Variants in MAVS observed in about 807,000 individuals in gnomAD.
The protein encoded by MAVS is mitochondrial antiviral signaling protein.
In MAVS, 20 loss-of-function variants were observed where a neutral mutation model predicts 30.2. The observed-to-expected ratio is 0.66, with a 90% CI of 0.47 to 0.96. MAVS has a LOEUF of 0.96. Ranked by LOEUF, MAVS falls within the 40% of genes least tolerant of loss-of-function variation. The probability of loss-of-function intolerance (pLI) is 0.00; values close to 1 mark genes in which losing one functional copy is unlikely to be tolerated. For synonymous variants in MAVS, 278 were observed against 293.9 expected, an observed-to-expected ratio of 0.95 and a Z score of 0.55; for missense variants, 624 against 701.1, an observed-to-expected ratio of 0.89 and a Z score of 1.24.
chr20:3,853,209 G>A (rs541846802), intron 1 of MAVS, among the ~76,000 whole-genome samples: 3 of 148,854 alleles, frequency 2.0e-5, no homozygotes, highest in African/African-American at 2.4e-5. Context: ...GATGGCGGCC[G>A]GGCGCGGTGG....
chr20:3,861,599 T>A, intron 4 of MAVS, 95 bp downstream of exon 4: 1 of 1,323,366 alleles, frequency 7.6e-7, no homozygotes, highest in Non-Finnish European at 1.0e-6. Flanking sequence ...TCCCGTCCCC[T>A]ATAAATCACG....
chr20:3,849,573 T>C (rs997942375), intron 1 of MAVS, among the ~76,000 whole-genome samples: 3 of 152,198 alleles, frequency 2.0e-5, no homozygotes, highest in African/African-American at 4.8e-5. Flanking sequence ...AGCTCATTCT[T>C]GTTTTAGGAC....
intron 1 of MAVS, among the ~76,000 whole-genome samples, chr20:3,847,412 G>A (rs993611305): frequency 5.9e-5 from 9 of 152,214 alleles, no homozygotes; most frequent in African/African-American, 1.9e-4. Flanking sequence ...CTGTCCCTTT[G>A]GGAAGGGTGG....
chr20:3,860,822 G>T (rs1396060796), intron 3 of MAVS, among the ~76,000 whole-genome samples: 2 of 151,266 alleles, frequency 1.3e-5, no homozygotes, highest in African/African-American at 4.9e-5. Context: ...GATTACAGGT[G>T]CTTGCCAGCA....
rs188374542 is a variant in MAVS at position 3,856,105 on chromosome 20, A to C, written c.117+1364A>C. Among the ~76,000 whole-genome samples, 169 of 147,804 alleles carry C rather than the reference A, an allele frequency of 1.1e-3. 1 individual carries two copies. Among genetic ancestry groups the C allele is most frequent in the African/African-American group, 4.0e-3 (157 of 39,304 alleles). ...AGTCTCACTCTGTCGCCCAGGCTGG[A>C]GTGCAGTGGTGTGATCTCGGCTCAC... On this transcript the variant is annotated intron_variant, in intron 2 of 6. Coordinates refer to ENST00000428216, the MANE Select transcript of MAVS (RefSeq NM_020746.5).
At chr20:3,863,151 C>G (rs2089879274) in intron 5 of MAVS, among the ~76,000 whole-genome samples, 1 of 152,172 alleles carries the variant, frequency 6.6e-6, no homozygotes, top group South Asian at 2.1e-4. Flanking sequence ...GCAGAGATCT[C>G]CAGTTCCCAG....
At chr20:3,850,274 C>CAAAAAAAA (rs71195864) in intron 1 of MAVS, among the ~76,000 whole-genome samples, 1 of 44,458 alleles carries the variant, frequency 2.2e-5, no homozygotes, top group East Asian at 6.3e-4. Context: ...GAGACTGTCT[C>CAAAAAAAA]AAAAAAAAAA....
chr20:3,849,603 T>C (rs761870165), intron 1 of MAVS, among the ~76,000 whole-genome samples: 39 of 152,232 alleles, frequency 2.6e-4, no homozygotes, highest in Non-Finnish European at 4.3e-4. Context: ...TACCATGCTC[T>C]CTGCCTAAAA....
In MAVS at chr20:3,872,309, G is replaced by A. The variant is rs2089961517; in HGVS notation, c.*6162G>A. 6.6e-6 allele frequency: 1 copy of A among 152,340 alleles called. No homozygotes were observed. The allele number at this position is 152,340 out of a possible 1,614,324, so 9.4% of individuals were successfully genotyped here. Reference sequence around the variant, plus strand: ...AAAAATTAGCTGGGTGTGGTGGTATGTGCCTCAAGTTCCAGCTACTCAGGA... The same window carrying A: ...AAAAATTAGCTGGGTGTGGTGGTATATGCCTCAAGTTCCAGCTACTCAGGA... On this transcript the variant is annotated 3_prime_UTR_variant, in exon 7 of 7. Transcript: ENST00000428216.
chr20:3,853,735 A>T (rs1378071982), intron 1 of MAVS, among the ~76,000 whole-genome samples: 1 of 152,038 alleles, frequency 6.6e-6, no homozygotes, highest in Non-Finnish European at 1.5e-5. Context: ...TCGAGGCTGC[A>T]GTGAACTATT....
rs1021667295 is a variant in MAVS at position 3,865,135 on chromosome 20, A to G, written c.1158+347A>G. Among the ~76,000 whole-genome samples, 2 of 152,216 alleles carry G rather than the reference A, an allele frequency of 1.3e-5. No homozygotes were observed. The highest frequency in any genetic ancestry group is 2.4e-5 in the African/African-American group (1 of 41,456). On this transcript the variant is annotated intron_variant, in intron 6 of 6. Coordinates refer to ENST00000428216, the MANE Select transcript of MAVS (RefSeq NM_020746.5). The surrounding 1 kb of genome is among the most constrained non-coding windows in gnomAD (Gnocchi z 4.7). ...ATAAGGAAGCAGTGACGGGGACAGC[A>G]CAGTGGCCCATCTGCCTCTTGCCTT...
rs2089916329 is a variant in MAVS, at chr20:3,867,241, C to CTCACCTTAGTTTCTCA, written c.*1094_*1095insTCACCTTAGTTTCTCA. On this transcript the variant is annotated 3_prime_UTR_variant, in exon 7 of 7. Coordinates refer to ENST00000428216, the MANE Select transcript of MAVS (RefSeq NM_020746.5). ...TTGGGCAAGGGATTTATCTGTCTGT[C>CTCACCTTAGTTTCTCA]CCTTAGTTTTCTCACCTGTAAAAGG... 2.8e-6 allele frequency: 1 copy of CTCACCTTAGTTTCTCA among 359,186 alleles called. No homozygotes were observed. Among genetic ancestry groups the CTCACCTTAGTTTCTCA allele is most frequent in the South Asian group, 2.1e-5 (1 of 48,368 alleles). The allele number at this position is 359,186 out of a possible 1,614,324, so 22.2% of individuals were successfully genotyped here.
intron 1 of MAVS, among the ~76,000 whole-genome samples, chr20:3,853,637 T>A (rs1163653336): frequency 6.6e-6 from 1 of 151,556 alleles, no homozygotes; most frequent in Non-Finnish European, 1.5e-5. Flanking sequence ...CTAGAAAAAA[T>A]AAAAAAATTA....
In MAVS at chr20:3,864,463, C is replaced by G; in HGVS notation, c.833C>G (p.Ala278Gly). Residue 278 changes from alanine to glycine, a missense_variant, in exon 6 of 7, where the codon GCC (alanine) becomes GGC (glycine). Transcript: ENST00000428216. ...AAACAGGGTGCAGAGAGTGACCAGG[C>G]CGAGCCTATCATCTGCTCCAGTGGG... Reference protein sequence around the residue: ...EGKQGAESDQAEPIICSSGAE... With the variant: ...EGKQGAESDQGEPIICSSGAE... 1 of 1,613,978 alleles carries G rather than the reference C, an allele frequency of 6.2e-7. No individual in the cohort carries two copies. The highest frequency in any genetic ancestry group is 8.5e-7 in the Non-Finnish European group (1 of 1,180,002).
intron 2 of MAVS, among the ~76,000 whole-genome samples, chr20:3,856,353 A>ATTTTTT (rs56232181): frequency 2.0e-5 from 2 of 101,438 alleles, no homozygotes; most frequent in African/African-American, 8.3e-5. Context: ...TGCGCCCAGC[A>ATTTTTT]TTTTTTTTTT....
At chr20:3,862,485 T>A in intron 5 of MAVS, 72 bp downstream of exon 5, 1 of 1,470,238 alleles carries the variant, frequency 6.8e-7, no homozygotes, top group African/African-American at 1.4e-5. Context: ...AGTTGCCCCA[T>A]CTGGCTTCCT....
At chr20:3,848,185 T>C (rs548102278) in intron 1 of MAVS, among the ~76,000 whole-genome samples, 8 of 152,174 alleles carry the variant, frequency 5.3e-5, no homozygotes, top group African/African-American at 1.4e-4. Context: ...CTGCAACCTC[T>C]GCCTCCTGGG....
Position 3,861,466 on chromosome 20 carries a change from C to T in MAVS, c.427C>T (p.Pro143Ser). The change falls in exon 4 of 7, where the codon CCT (proline) becomes TCT (serine). Residue 143 changes from proline (P) to serine (S), a missense_variant. Pro to Ser is a moderately conservative substitution (Grantham distance 74, BLOSUM62 -1). Coordinates refer to ENST00000428216, the MANE Select transcript of MAVS (RefSeq NM_020746.5). ...CREKEPSYPM[P>S]VQETQAPESP... Reference sequence around the variant, plus strand: ...AGAGAAGGAGCCAAGTTACCCCATGCCTGTCCAGGAGACCCAGGCGCCAGA... The same window carrying T: ...AGAGAAGGAGCCAAGTTACCCCATGTCTGTCCAGGAGACCCAGGCGCCAGA... 6.2e-7 allele frequency: 1 copy of T among 1,614,130 alleles called. No homozygotes were observed. The highest frequency in any genetic ancestry group is 8.5e-7 in the Non-Finnish European group (1 of 1,180,008).
rs1392439585 is a variant in MAVS at position 3,874,130 on chromosome 20, T to G, written c.*7983T>G. 2.5e-6 allele frequency: 1 copy of G among 398,456 alleles called. No homozygotes were observed. Among genetic ancestry groups the G allele is most frequent in the Non-Finnish European group, 4.4e-6 (1 of 226,074 alleles). 24.7% of individuals were successfully genotyped at this position (398,456 alleles called of 1,614,324 possible). ...CGCTATGCACAGCAACATGGATAAA[T>G]TTCACAGACATGAGGTCAAGCAAAA... On this transcript the variant is annotated 3_prime_UTR_variant, in exon 7 of 7. Transcript: ENST00000428216.
Sources: allele counts gnomAD v4.1 joint callset (sites outside exome capture counted in the v4.1 genomes callset), GRCh38; gene constraint gnomAD v4.1.1; non-coding constraint Gnocchi (gnomAD v3.1); transcripts MANE v1.5; gene names NCBI Gene and HGNC (gene_info 2026-07-23, HGNC 2026-07-21).